The following TMPRSS6 variants were observed in gnomAD, a reference collection of about 807,000 sequenced individuals.
TMPRSS6 encodes the protein transmembrane serine protease 6.
In TMPRSS6, 67 loss-of-function variants were observed where a neutral mutation model predicts 101.5. The ratio of observed to expected loss-of-function variants is 0.66; its 90% CI spans 0.54 to 0.81. The LOEUF (loss-of-function observed/expected upper bound fraction) is 0.81, where lower values mean the gene tolerates loss of function less well. Among genes scored for constraint, TMPRSS6 ranks in the 30% least tolerant of loss-of-function variants. The pLI is 0.00. For missense variants in TMPRSS6, 1,034 were observed against 1,088.7 expected (o/e 0.95, Z 0.71); for synonymous variants, 453 against 464.9 (o/e 0.97, Z 0.33).
At chr22:37,080,943 C>T (rs934727615) in intron 10 of TMPRSS6, among the ~76,000 whole-genome samples, 2 of 152,288 alleles carry the variant, frequency 1.3e-5, no homozygotes, top group African/African-American at 2.4e-5. Context: ...CGTGCACAGA[C>T]ATGCATGGAT....
Position 37,075,181 on chromosome 22 carries a change from G to A in TMPRSS6, c.1296C>T (p.Thr432=), listed in dbSNP as rs779400587. The A allele has an allele frequency of 1.2e-5, 20 of 1,613,932 alleles. No individual in the cohort carries two copies. The highest frequency in any genetic ancestry group is 5.0e-5 in the Admixed American group (3 of 60,012). The change falls in exon 11 of 18, where the codon ACC becomes ACT. Residue 432 remains threonine, a synonymous_variant. Transcript: ENST00000676104. ...CATAGTGCACCCGCACACCGGGCCC[G>A]GTGAGGGAGATCTGGGAGGTGAAGT... is the stretch of plus-strand genomic sequence containing the variant. ...TINFTSQISL[T]GPGVRVHYGL... is the part of the protein sequence containing the mutation.
chr22:37,103,161 A>G lies in TMPRSS6; in HGVS notation c.202+55T>C, dbSNP rs1162741716. On this transcript the variant is annotated intron_variant, in intron 2 of 17. Coordinates refer to ENST00000676104, the MANE Select transcript of TMPRSS6 (RefSeq NM_001374504.1). The surrounding 1 kb of genome is among the most constrained non-coding windows in gnomAD (Gnocchi z 4.4). ...CCAGTCCTGTCCTGCTGTGCCTGCTACAGTCACCCCAAGTCCTCCCCAGGT... is the reference window on the plus strand; with the variant it reads ...CCAGTCCTGTCCTGCTGTGCCTGCTGCAGTCACCCCAAGTCCTCCCCAGGT... The G allele has an allele frequency of 6.3e-7, 1 of 1,581,592 alleles. No individual in the cohort carries two copies. Among genetic ancestry groups the G allele is most frequent in the East Asian group, 2.2e-5 (1 of 44,710 alleles).
At chr22:37,097,683 C>G (rs908349611) in intron 3 of TMPRSS6, among the ~76,000 whole-genome samples, 102 of 120,624 alleles carry the variant, frequency 8.5e-4, no homozygotes, top group Middle Eastern at 5.0e-3. Flanking sequence ...AACGGAGGGG[C>G]AGGAGCGGGC....
chr22:37,095,378 T>C lies in TMPRSS6; in HGVS notation c.631+173A>G, dbSNP rs981195310. Among the ~76,000 whole-genome samples, 3 of 151,964 alleles carry C rather than the reference T, an allele frequency of 2.0e-5. No individual in the cohort carries two copies. In the South Asian group the frequency reaches 6.2e-4, roughly 32 times the overall value. On this transcript the variant is annotated intron_variant, in intron 6 of 17. Coordinates refer to ENST00000676104, the MANE Select transcript of TMPRSS6 (RefSeq NM_001374504.1). ...CGCCACCTCCTCTCCCCCTACAGGC[T>C]CCAAGACTTGCTTGGGACACATCGC...
At position 37,069,360 on chromosome 22, in the gene TMPRSS6, G is replaced by A. The variant is rs757926282; in HGVS notation, c.1842-16C>T. 1.2e-5 allele frequency: 18 copies of A among 1,475,358 alleles called. No individual in the cohort carries two copies. Among genetic ancestry groups the A allele is most frequent in the East Asian group, 2.5e-5 (1 of 39,940 alleles). 91.4% of individuals were successfully genotyped at this position (1,475,358 alleles called of 1,614,324 possible). A position where few individuals can be genotyped will look rare whatever the true frequency, so the allele number is the denominator to read the frequency against. On this transcript the variant is annotated splice_polypyrimidine_tract_variant and intron_variant, in intron 15 of 17. Coordinates refer to ENST00000676104, the MANE Select transcript of TMPRSS6 (RefSeq NM_001374504.1). The surrounding 1 kb of genome is among the most constrained non-coding windows in gnomAD (Gnocchi z 4.8). ...GGAGGCCATGCTGGGGTGGGGTGGG[G>A]TGGGGTGGGGTGGGGTGAGGTGAGG...
intron 10 of TMPRSS6, among the ~76,000 whole-genome samples, chr22:37,081,399 G>A (rs1243794271): frequency 2.0e-5 from 3 of 152,204 alleles, no homozygotes; most frequent in Non-Finnish European, 4.4e-5. Flanking sequence ...GTCTGGCTTC[G>A]ACACTTAAGC....
At chr22:37,102,544 G>C (rs958025598) in intron 2 of TMPRSS6, among the ~76,000 whole-genome samples, 1 of 152,190 alleles carries the variant, frequency 6.6e-6, no homozygotes, top group African/African-American at 2.4e-5. Flanking sequence ...ATGAACGGAG[G>C]CCTGGATGAA....
intron 10 of TMPRSS6, among the ~76,000 whole-genome samples, chr22:37,079,465 A>C (rs966163805): frequency 4.6e-5 from 7 of 152,168 alleles, no homozygotes; most frequent in Non-Finnish European, 1.0e-4. Context: ...ACAAGAAGGA[A>C]GAAGGAAAGA....
chr22:37,087,595 C>G (rs980194340), intron 7 of TMPRSS6, among the ~76,000 whole-genome samples: 1 of 152,066 alleles, frequency 6.6e-6, no homozygotes, highest in South Asian at 2.1e-4. Flanking sequence ...CCCCCCTCAC[C>G]CCCCAGGCCC....
Position 37,066,810 on chromosome 22 carries a change from T to G in TMPRSS6, c.2250+16A>C, listed in dbSNP as rs759481926. The G allele has an allele frequency of 8.1e-6, 13 of 1,614,146 alleles. No individual in the cohort carries two copies. The highest frequency in any genetic ancestry group is 1.1e-5 in the Non-Finnish European group (13 of 1,180,010). Reference sequence around the variant, plus strand: ...CTTTCTCCCTCCTCTCTCCCTCCCATGCCCGGGGGACTCACCTGACAGGCA... The same window carrying G: ...CTTTCTCCCTCCTCTCTCCCTCCCAGGCCCGGGGGACTCACCTGACAGGCA... On this transcript the variant is annotated intron_variant, in intron 17 of 17. Coordinates refer to ENST00000676104, the MANE Select transcript of TMPRSS6 (RefSeq NM_001374504.1).
At chr22:37,104,817 C>T (rs1344274696) in intron 1 of TMPRSS6, among the ~76,000 whole-genome samples, 3 of 151,938 alleles carry the variant, frequency 2.0e-5, no homozygotes, top group Non-Finnish European at 4.4e-5. Flanking sequence ...AAAAATTAGC[C>T]GGCTGTGGTG....
At chr22:37,078,973 A>AAAG (rs1928005374) in intron 10 of TMPRSS6, among the ~76,000 whole-genome samples, 1 of 106,508 alleles carries the variant, frequency 9.4e-6, no homozygotes, top group East Asian at 2.8e-4. Context: ...GAAAGAAAGA[A>AAAG]AAAGAAAGAA....
chr22:37,091,881 C>G (rs1216359917), intron 6 of TMPRSS6, among the ~76,000 whole-genome samples: 1 of 152,202 alleles, frequency 6.6e-6, no homozygotes, highest in Non-Finnish European at 1.5e-5. Context: ...ATGCTGCCAC[C>G]TGTGGCTCAG....
In TMPRSS6 at chr22:37,103,053, A is replaced by T. The variant is rs151283770; in HGVS notation, c.202+163T>A. Among the ~76,000 whole-genome samples, 190 of 152,136 alleles carry T rather than the reference A, an allele frequency of 1.2e-3. No homozygotes were observed. Among genetic ancestry groups the T allele is most frequent in the Admixed American group, 2.6e-3 (39 of 15,284 alleles). Reference sequence around the variant, plus strand: ...GGGTCTGACAGCATCTCCAGCTGGAAGGACAGGGAGGGAGACCCAGAGAAC... The same window carrying T: ...GGGTCTGACAGCATCTCCAGCTGGATGGACAGGGAGGGAGACCCAGAGAAC... On this transcript the variant is annotated intron_variant, in intron 2 of 17. Coordinates refer to ENST00000676104, the MANE Select transcript of TMPRSS6 (RefSeq NM_001374504.1). The surrounding 1 kb of genome is among the most constrained non-coding windows in gnomAD (Gnocchi z 4.4).
intron 6 of TMPRSS6, among the ~76,000 whole-genome samples, chr22:37,093,074 C>A (rs959152663): frequency 6.6e-6 from 1 of 152,098 alleles, no homozygotes; most frequent in South Asian, 2.1e-4. Flanking sequence ...GTGTCCTCAG[C>A]GCAGGAATGG....
chr22:37,073,065 GGATGGATGGATGGATGGATAGACGGAT>G (rs1479297645), intron 13 of TMPRSS6, among the ~76,000 whole-genome samples: 2 of 143,074 alleles, frequency 1.4e-5, no homozygotes, highest in African/African-American at 5.2e-5. Context: ...GATGGATGAT[GGATGGATGGATGGATGGATAGACGGAT>G]GATGGATGGA....
chr22:37,065,908 C>T lies in TMPRSS6; in HGVS notation c.*172G>A. 1.2e-6 allele frequency: 1 copy of T among 840,940 alleles called. No individual in the cohort carries two copies. Among genetic ancestry groups the T allele is most frequent in the Non-Finnish European group, 1.9e-6 (1 of 538,932 alleles). 52.1% of individuals were successfully genotyped at this position (840,940 alleles called of 1,614,324 possible). On this transcript the variant is annotated 3_prime_UTR_variant, in exon 18 of 18. Coordinates refer to ENST00000676104, the MANE Select transcript of TMPRSS6 (RefSeq NM_001374504.1). Reference sequence around the variant, plus strand: ...CCCCAGCTGCTGGCACTTCTCCATCCTCCTGCCATCACTGGAGCAGACATC... The same window carrying T: ...CCCCAGCTGCTGGCACTTCTCCATCTTCCTGCCATCACTGGAGCAGACATC...
chr22:37,090,428 C>T (rs868594372), intron 6 of TMPRSS6, among the ~76,000 whole-genome samples: 27 of 152,212 alleles, frequency 1.8e-4, no homozygotes, highest in South Asian at 4.1e-4. Flanking sequence ...GAGGGCTTCA[C>T]TTCCGGTAGA....
rs1309648301 is a variant in TMPRSS6 at position 37,095,839 on chromosome 22, G to A, written c.589+67C>T. On this transcript the variant is annotated intron_variant, in intron 5 of 17. Transcript: ENST00000676104. ...CAGGCCTGGCAGGCAGCCTCCCCGGGCCACACCACAGCTTGTTTCCCCCAA... is the reference window on the plus strand; with the variant it reads ...CAGGCCTGGCAGGCAGCCTCCCCGGACCACACCACAGCTTGTTTCCCCCAA... 5 of 1,594,866 alleles carry A rather than the reference G, an allele frequency of 3.1e-6. No individual in the cohort carries two copies. In the Admixed American group the frequency reaches 5.0e-5, roughly 16 times the overall value.
Sources: allele counts gnomAD v4.1 joint callset (sites outside exome capture counted in the v4.1 genomes callset), GRCh38; gene constraint gnomAD v4.1.1; non-coding constraint Gnocchi (gnomAD v3.1); transcripts MANE v1.5; gene names NCBI Gene and HGNC (gene_info 2026-07-23, HGNC 2026-07-21).